The following MEIS2 variants were observed in gnomAD, a reference collection of about 807,000 sequenced individuals.
The protein encoded by MEIS2 is homeobox protein Meis2.
A neutral mutation model predicts 58.6 loss-of-function variants in MEIS2; 9 were observed. That is an observed-to-expected ratio of 0.15 (90% CI 0.09 to 0.27). MEIS2 has a LOEUF of 0.27. MEIS2 is among the 10% of genes least tolerant of loss of function. MEIS2 has a pLI of 1.00. For missense variants in MEIS2, 427 were observed against 635.0 expected, an observed-to-expected ratio of 0.67 and a Z score of 3.52; for synonymous variants, 221 against 228.4, an observed-to-expected ratio of 0.97 and a Z score of 0.29.
intron 8 of MEIS2, among the ~76,000 whole-genome samples, chr15:36,987,269 T>A (rs1965489): frequency 0.36 from 54,624 of 151,710 alleles, 10,645 homozygotes; most frequent in Middle Eastern, 0.56. Flanking sequence ...TTAGCCAGGC[T>A]TGGTGGTACA....
intron 8 of MEIS2, among the ~76,000 whole-genome samples, chr15:36,958,551 C>G (rs1244682241): frequency 1.3e-5 from 2 of 152,118 alleles, no homozygotes; most frequent in Non-Finnish European, 2.9e-5. Context: ...ACTCATTTTA[C>G]CTCTAAACTT....
chr15:36,984,810 C>T (rs2060043048), intron 8 of MEIS2, among the ~76,000 whole-genome samples: 1 of 152,092 alleles, frequency 6.6e-6, no homozygotes, highest in Admixed American at 6.6e-5. Context: ...TCATGGTTCA[C>T]TCTTGGTAGG....
At chr15:36,949,881 T>C (rs16964380) in intron 9 of MEIS2, among the ~76,000 whole-genome samples, 5,794 of 151,976 alleles carry the variant, frequency 0.038, 253 homozygotes, top group East Asian at 0.17. Flanking sequence ...TATTAGGAGA[T>C]ACTAAAAAGC....
At chr15:37,095,786 G>C in intron 3 of MEIS2, 172 bp from the exon 4 acceptor site, 1 of 905,964 alleles carries the variant, frequency 1.1e-6, no homozygotes, top group Non-Finnish European at 1.7e-6. Flanking sequence ...GAAGAATCAG[G>C]GCATTCTGGT....
intron 7 of MEIS2, among the ~76,000 whole-genome samples, chr15:37,042,653 T>A (rs1002636872): frequency 6.6e-6 from 1 of 151,556 alleles, no homozygotes; most frequent in African/African-American, 2.4e-5. Flanking sequence ...TAGGAAAAGG[T>A]CTAAGCACAG....
At chr15:37,016,480 G>A (rs1334878006) in intron 8 of MEIS2, among the ~76,000 whole-genome samples, 2 of 151,928 alleles carry the variant, frequency 1.3e-5, no homozygotes, top group African/African-American at 2.4e-5. Context: ...GTGATTAATA[G>A]CAACTGTATC....
At chr15:36,974,951 A>G (rs2059690694) in intron 8 of MEIS2, among the ~76,000 whole-genome samples, 1 of 152,222 alleles carries the variant, frequency 6.6e-6, no homozygotes, top group Non-Finnish European at 1.5e-5. Flanking sequence ...TTTCCCAAAG[A>G]TCAAAATATC....
chr15:36,964,574 T>C (rs971001862), intron 8 of MEIS2, among the ~76,000 whole-genome samples: 8 of 152,170 alleles, frequency 5.3e-5, no homozygotes, highest in Non-Finnish European at 7.4e-5. Context: ...ATTTTTTTCA[T>C]GAGAAATTAT....
chr15:37,036,849 T>C lies in MEIS2; in HGVS notation c.865A>G (p.Asn289Asp). The change falls in exon 8 of 12, where the codon AAT becomes GAT. Residue 289 changes from asparagine to aspartate, a missense_variant. Transcript: ENST00000561208. ...KRGIFPKVAT[N>D]IMRAWLFQHL... is the part of the protein sequence containing the mutation. ...TGGAAGAGCCATGCTCTCATGATAT[T>C]TGTTGCTACTTTGGGGAAAATGCCT... 6.2e-7 allele frequency: 1 copy of C among 1,614,128 alleles called. No individual in the cohort carries two copies.
chr15:37,023,956 C>T (rs1232808357), intron 8 of MEIS2, among the ~76,000 whole-genome samples: 4 of 141,094 alleles, frequency 2.8e-5, no homozygotes, highest in Non-Finnish European at 6.0e-5. Flanking sequence ...TTTTGTTGCC[C>T]AGGCTGGAGT....
upstream of MEIS2, chr15:37,101,210 A>T (rs531363594): frequency 6.6e-6 from 1 of 152,298 alleles, no homozygotes; most frequent in African/African-American, 2.4e-5. Flanking sequence ...AGCGGTGCGG[A>T]CAAGGGGCCA....
intron 8 of MEIS2, among the ~76,000 whole-genome samples, chr15:37,033,040 T>A (rs1318288725): frequency 6.6e-6 from 1 of 152,130 alleles, no homozygotes; most frequent in East Asian, 1.9e-4. Flanking sequence ...ACAGTTGGAG[T>A]GGAACTTGTT....
At chr15:36,972,476 C>T (rs574898840) in intron 8 of MEIS2, among the ~76,000 whole-genome samples, 9 of 152,218 alleles carry the variant, frequency 5.9e-5, no homozygotes, top group African/African-American at 1.7e-4. Flanking sequence ...GATCTGGTCT[C>T]GAACTCCTGA....
At chr15:36,975,908 A>G (rs951915644) in intron 8 of MEIS2, among the ~76,000 whole-genome samples, 2 of 152,230 alleles carry the variant, frequency 1.3e-5, no homozygotes, top group Admixed American at 1.3e-4. Context: ...GGGAATGCAT[A>G]TATTAATTGG....
At chr15:36,976,359 CAGGCGTGAGCCACCGCGCCT>C (rs1383412068) in intron 8 of MEIS2, among the ~76,000 whole-genome samples, 5 of 152,000 alleles carry the variant, frequency 3.3e-5, no homozygotes, top group African/African-American at 1.2e-4. Flanking sequence ...GCTGGGATTA[CAGGCGTGAGCCACCGCGCCT>C]GGCCTATAAA....
chr15:36,996,064 C>T (rs900625859), intron 8 of MEIS2, among the ~76,000 whole-genome samples: 15 of 136,304 alleles, frequency 1.1e-4, no homozygotes, highest in Non-Finnish European at 1.7e-4. Flanking sequence ...TATACACACA[C>T]ATATATATAT....
intron 7 of MEIS2, among the ~76,000 whole-genome samples, chr15:37,040,492 G>A (rs780541356): frequency 1.6e-4 from 24 of 152,190 alleles, no homozygotes; most frequent in African/African-American, 4.6e-4. Flanking sequence ...TGTGCACACA[G>A]TAACTTCTAA....
At chr15:37,039,118 A>G (rs950482093) in intron 7 of MEIS2, among the ~76,000 whole-genome samples, 4 of 152,122 alleles carry the variant, frequency 2.6e-5, no homozygotes, top group Admixed American at 1.3e-4. Flanking sequence ...GAAAAGCAGT[A>G]CCCGGAGATG....
chr15:37,035,664 G>A lies in MEIS2; in HGVS notation c.900+1150C>T, dbSNP rs185930877. On this transcript the variant is annotated intron_variant, in intron 8 of 11. Transcript: ENST00000561208. ...TAATCCTGACACCACAGGCCAGATCGATACACCTTAGTTTGCTACTAATGT... is the reference window on the plus strand; with the variant it reads ...TAATCCTGACACCACAGGCCAGATCAATACACCTTAGTTTGCTACTAATGT... 3.3e-3 allele frequency among the ~76,000 whole-genome samples: 503 copies of A among 152,258 alleles called. 2 individuals are homozygous for A. Among genetic ancestry groups the A allele is most frequent in the African/African-American group, 0.011 (439 of 41,542 alleles).
Sources: gnomAD v4.1 joint callset for allele counts (sites outside exome capture counted in the v4.1 genomes callset) on GRCh38, gnomAD v4.1.1 for gene constraint, MANE v1.5 for transcripts, NCBI Gene and HGNC (gene_info 2026-07-23, HGNC 2026-07-21) for gene names.